The following PRKCE variants were observed in gnomAD, a reference collection of about 807,000 sequenced individuals.
PRKCE encodes protein kinase C epsilon type.
In PRKCE, 16 loss-of-function variants were observed where a neutral mutation model predicts 85.4. That is an observed-to-expected ratio of 0.19 (90% CI 0.13 to 0.28). PRKCE has a LOEUF of 0.28. Among genes scored for constraint, PRKCE ranks in the 10% least tolerant of loss-of-function variants. The pLI is 1.00. For synonymous variants in PRKCE, 388 were observed against 371.5 expected, an observed-to-expected ratio of 1.04 and a Z score of -0.51; for missense variants, 573 against 975.2, an observed-to-expected ratio of 0.59 and a Z score of 5.49.
In PRKCE at chr2:46,151,107, A is replaced by G. The variant is rs1676578553; in HGVS notation, c.1798A>G (p.Met600Val). 1 of 1,599,424 alleles carries G rather than the reference A, an allele frequency of 6.3e-7. No individual in the cohort carries two copies. The highest frequency in any genetic ancestry group is 8.5e-7 in the Non-Finnish European group (1 of 1,179,906). ...WWALGVLMYE[M>V]MAGQPPFEAD... ...GGCCCTGGGGGTGCTGATGTACGAGATGATGGCTGGACAGCCTCCCTTTGA... is the reference window on the plus strand; with the variant it reads ...GGCCCTGGGGGTGCTGATGTACGAGGTGATGGCTGGACAGCCTCCCTTTGA... Residue 600 changes from methionine to valine, a missense_variant, in exon 13 of 15, where the codon ATG becomes GTG. Coordinates refer to ENST00000306156, the MANE Select transcript of PRKCE (RefSeq NM_005400.3).
intron 10 of PRKCE, among the ~76,000 whole-genome samples, chr2:46,023,089 C>CAAA (rs397984467): frequency 2.8e-5 from 2 of 71,502 alleles, no homozygotes; most frequent in Admixed American, 1.6e-4. Flanking sequence ...GACTCCGTCT[C>CAAA]AAAAAAAAAA....
intron 11 of PRKCE, among the ~76,000 whole-genome samples, chr2:46,100,156 C>G (rs1671068235): frequency 6.6e-6 from 1 of 152,144 alleles, no homozygotes; most frequent in Admixed American, 6.5e-5. Context: ...AAATCTGTCT[C>G]AAAATTACCT....
intron 2 of PRKCE, among the ~76,000 whole-genome samples, chr2:45,935,860 G>C (rs1444929839): frequency 6.6e-6 from 1 of 151,942 alleles, no homozygotes; most frequent in Non-Finnish European, 1.5e-5. Flanking sequence ...CTTCTGGTTT[G>C]TCTGCTGTGT....
chr2:45,857,200 A>G (rs1395534427), intron 2 of PRKCE, among the ~76,000 whole-genome samples: 4 of 152,208 alleles, frequency 2.6e-5, no homozygotes, highest in African/African-American at 9.6e-5. Flanking sequence ...CCTAAGTTGC[A>G]CGTGATGCTT....
intron 11 of PRKCE, among the ~76,000 whole-genome samples, chr2:46,107,761 G>T (rs1271091634): frequency 6.6e-6 from 1 of 152,108 alleles, no homozygotes; most frequent in Non-Finnish European, 1.5e-5. Context: ...CTAATAGGTG[G>T]GTAGTGGTGT....
At chr2:45,733,011 C>T (rs1160938100) in intron 1 of PRKCE, among the ~76,000 whole-genome samples, 1 of 152,254 alleles carries the variant, frequency 6.6e-6, no homozygotes, top group Admixed American at 6.5e-5. Context: ...CAACTTGGCT[C>T]TACCATTGTA....
intron 2 of PRKCE, among the ~76,000 whole-genome samples, chr2:45,869,743 T>TGGA (rs1164277924): frequency 7.3e-6 from 1 of 136,248 alleles, no homozygotes; most frequent in Admixed American, 8.9e-5. Context: ...TGTCTCACTC[T>TGGA]GTCACCCAGG....
chr2:45,919,975 C>T (rs1390102502), intron 2 of PRKCE, among the ~76,000 whole-genome samples: 1 of 152,148 alleles, frequency 6.6e-6, no homozygotes, highest in South Asian at 2.1e-4. Context: ...AGGCTTGAGA[C>T]CTGAGAACTG....
chr2:46,012,822 G>A (rs1374356333), intron 10 of PRKCE, among the ~76,000 whole-genome samples: 3 of 152,188 alleles, frequency 2.0e-5, no homozygotes, highest in Admixed American at 6.5e-5. Flanking sequence ...CTCATCATAT[G>A]GCAGCTTTTG....
At chr2:46,164,505 G>A (rs527544934) in intron 14 of PRKCE, among the ~76,000 whole-genome samples, 1 of 152,310 alleles carries the variant, frequency 6.6e-6, no homozygotes, top group East Asian at 1.9e-4. Flanking sequence ...TGCCCTTTTG[G>A]CATCATACTA....
intron 1 of PRKCE, among the ~76,000 whole-genome samples, chr2:45,752,881 A>G (rs1683697526): frequency 6.6e-6 from 1 of 151,968 alleles, no homozygotes; most frequent in East Asian, 1.9e-4. Flanking sequence ...TTTACGACCC[A>G]TTTTAATAGA....
rs1054216585 is a variant in PRKCE at position 46,145,321 on chromosome 2, T to G, written c.1731+90T>G. ...ATGCACTGGGGTCATCTAGTGGTGC[T>G]GGGGGAAGGCTCTGGAAATCCAGGA... On this transcript the variant is annotated intron_variant, in intron 12 of 14. Transcript: ENST00000306156. The surrounding 1 kb of genome is among the most constrained non-coding windows in gnomAD (Gnocchi z 4.6). 24 of 1,507,104 alleles carry G rather than the reference T, an allele frequency of 1.6e-5. No homozygotes were observed. The highest frequency in any genetic ancestry group is 2.2e-5 in the Non-Finnish European group (24 of 1,107,996). The allele number at this position is 1,507,104 out of a possible 1,614,324, so 93.4% of individuals were successfully genotyped here.
At chr2:46,072,785 G>T (rs1419326812) in intron 10 of PRKCE, among the ~76,000 whole-genome samples, 2 of 152,140 alleles carry the variant, frequency 1.3e-5, no homozygotes, top group African/African-American at 4.8e-5. Flanking sequence ...GTTTTGATGG[G>T]GGTGCACTTT....
At chr2:45,724,002 C>T (rs949715048) in intron 1 of PRKCE, among the ~76,000 whole-genome samples, 1 of 152,216 alleles carries the variant, frequency 6.6e-6, no homozygotes, top group African/African-American at 2.4e-5. Flanking sequence ...GAGCAGCTAG[C>T]AGTCTAGAAC....
chr2:45,668,878 C>A (rs765530881), intron 1 of PRKCE, among the ~76,000 whole-genome samples: 7 of 152,100 alleles, frequency 4.6e-5, no homozygotes, highest in Non-Finnish European at 1.0e-4. Context: ...ACGGCCCTTT[C>A]GTATACAGTT....
At chr2:45,824,945 G>C (rs1451237331) in intron 1 of PRKCE, among the ~76,000 whole-genome samples, 2 of 152,228 alleles carry the variant, frequency 1.3e-5, no homozygotes, top group Admixed American at 6.5e-5. Context: ...GTCAGGGCAG[G>C]AGACGGGGTT....
rs141716529 is a variant in PRKCE, at chr2:45,860,574, A to G, written c.412+17511A>G. On this transcript the variant is annotated intron_variant, in intron 2 of 14. Coordinates refer to ENST00000306156, the MANE Select transcript of PRKCE (RefSeq NM_005400.3). ...AAACCCTGTTAGCTTTTGCTTTGTT[A>G]CTATAGGAACAAGAGCTGGTAGTCT... 8.5e-3 allele frequency among the ~76,000 whole-genome samples: 1,300 copies of G among 152,244 alleles called. 19 individuals are homozygous for G. Among genetic ancestry groups the G allele is most frequent in the African/African-American group, 0.03 (1,227 of 41,536 alleles).
At chr2:45,988,048 G>A (rs915143209) in intron 6 of PRKCE, among the ~76,000 whole-genome samples, 1 of 152,190 alleles carries the variant, frequency 6.6e-6, no homozygotes, top group Non-Finnish European at 1.5e-5. Context: ...ATGCAGCCTG[G>A]CCCTGTTCCT....
At chr2:45,787,705 T>C (rs1686715524) in intron 1 of PRKCE, among the ~76,000 whole-genome samples, 1 of 152,220 alleles carries the variant, frequency 6.6e-6, no homozygotes, top group Non-Finnish European at 1.5e-5. Context: ...AGGCTTACCG[T>C]ATCAACAGAA....
Sources: gnomAD v4.1 joint callset for allele counts (sites outside exome capture counted in the v4.1 genomes callset) on GRCh38, gnomAD v4.1.1 for gene constraint, Gnocchi (gnomAD v3.1) non-coding constraint, MANE v1.5 for transcripts, NCBI Gene and HGNC (gene_info 2026-07-23, HGNC 2026-07-21) for gene names.